Variants in CALN1 observed in about 807,000 individuals in gnomAD.
CALN1 encodes the protein calneuron 1, also known as calcium-binding protein 8.
CALN1 carries 17 observed loss-of-function variants against 30.6 expected under a neutral mutation model. That is an observed-to-expected ratio of 0.56 (90% CI 0.38 to 0.83). The LOEUF (loss-of-function observed/expected upper bound fraction) is 0.83, where lower values mean the gene tolerates loss of function less well. CALN1 is among the 40% of genes least tolerant of loss of function. The pLI is 0.00. For missense variants in CALN1, 291 were observed against 354.9 expected, an observed-to-expected ratio of 0.82 and a Z score of 1.45; for synonymous variants, 156 against 131.4, an observed-to-expected ratio of 1.19 and a Z score of -1.28.
intron 4 of CALN1, among the ~76,000 whole-genome samples, chr7:72,053,966 A>G (rs1223675883): frequency 6.6e-6 from 1 of 152,066 alleles, no homozygotes; most frequent in Non-Finnish European, 1.5e-5. Flanking sequence ...AATGCTGTTA[A>G]TTCATTCCTT....
chr7:72,265,295 G>A (rs1434002511), intron 3 of CALN1, among the ~76,000 whole-genome samples: 4 of 152,184 alleles, frequency 2.6e-5, no homozygotes, highest in Admixed American at 1.3e-4. Flanking sequence ...GTGGAGCAAC[G>A]TTTAGATGCC....
intron 2 of CALN1, among the ~76,000 whole-genome samples, chr7:72,320,460 GA>G (rs1254223334): frequency 2.0e-5 from 3 of 152,162 alleles, no homozygotes; most frequent in Non-Finnish European, 4.4e-5. Flanking sequence ...GATGGAAGCA[GA>G]AAAGAGCCAC....
chr7:72,213,185 T>G (rs1202564763), intron 3 of CALN1, among the ~76,000 whole-genome samples: 1 of 152,230 alleles, frequency 6.6e-6, no homozygotes, highest in Non-Finnish European at 1.5e-5. Context: ...CGTGTCCTAA[T>G]TAAAAACAAC....
chr7:72,495,099 C>T, the CALN1 span, among the ~76,000 whole-genome samples: 2 of 152,142 alleles, frequency 1.3e-5, no homozygotes, highest in African/African-American at 4.8e-5. Context: ...TGCATGAATT[C>T]TAGGAGGCAA....
At chr7:72,122,803 A>T (rs928915783) in intron 3 of CALN1, among the ~76,000 whole-genome samples, 1 of 152,220 alleles carries the variant, frequency 6.6e-6, no homozygotes, top group African/African-American at 2.4e-5. Context: ...ACGTTTCTTA[A>T]GCACCTACTG....
intron 2 of CALN1, among the ~76,000 whole-genome samples, chr7:72,360,648 C>A (rs1803518519): frequency 6.8e-6 from 1 of 147,564 alleles, no homozygotes; most frequent in South Asian, 2.2e-4. Context: ...TACACGTGCA[C>A]AACGTGCAGA....
At chr7:72,467,656 C>T in the CALN1 span, among the ~76,000 whole-genome samples, 6 of 152,178 alleles carry the variant, frequency 3.9e-5, no homozygotes, top group African/African-American at 1.2e-4. Flanking sequence ...ACCCAACCCC[C>T]GCCCCAGCAA....
rs150462485 is a variant in CALN1, at chr7:72,123,733, T to C, written c.245-17439A>G. Among the ~76,000 whole-genome samples the C allele has an allele frequency of 3.5e-4, 54 of 152,314 alleles. 1 individual carries two copies. The highest frequency in any genetic ancestry group is 1.2e-3 in the African/African-American group (49 of 41,566). On this transcript the variant is annotated intron_variant, in intron 3 of 6. Coordinates refer to ENST00000395275, the MANE Select transcript of CALN1 (RefSeq NM_031468.4). ...TCAGTCCATTTGGCCTTCCTGATAATTGATAAAGAGCTGACTATGAAGGAA... is the reference window on the plus strand; with the variant it reads ...TCAGTCCATTTGGCCTTCCTGATAACTGATAAAGAGCTGACTATGAAGGAA...
chr7:72,091,800 C>A (rs1805882686), intron 4 of CALN1, among the ~76,000 whole-genome samples: 1 of 152,194 alleles, frequency 6.6e-6, no homozygotes, highest in Non-Finnish European at 1.5e-5. Context: ...CAGGTCTAGT[C>A]TTGCCAAATT....
Position 72,081,897 on chromosome 7 carries a change from G to A in CALN1, c.388+24254C>T, listed in dbSNP as rs541183772. 2.5e-4 allele frequency among the ~76,000 whole-genome samples: 38 copies of A among 152,320 alleles called. No homozygotes were observed. In the South Asian group the frequency reaches 3.9e-3, roughly 16 times the overall value. ...CTAAAAAAGATAAATTCTGCAAAGT[G>A]ATGAGTCCTTCCTAGCAGAGAAGAG... is the stretch of plus-strand genomic sequence containing the variant. On this transcript the variant is annotated intron_variant, in intron 4 of 6. Coordinates refer to ENST00000395275, the MANE Select transcript of CALN1 (RefSeq NM_031468.4).
At chr7:72,364,708 T>C (rs1403282204) in intron 2 of CALN1, among the ~76,000 whole-genome samples, 1 of 152,196 alleles carries the variant, frequency 6.6e-6, no homozygotes, top group Admixed American at 6.5e-5. Flanking sequence ...GATAGTTAAG[T>C]GAGGTATGGG....
chr7:72,023,599 G>A (rs969555305), intron 5 of CALN1, 58 bp downstream of exon 5: 15 of 1,280,816 alleles, frequency 1.2e-5, no homozygotes, highest in Non-Finnish European at 1.6e-5. Context: ...TCAGTCAAAA[G>A]TTAGTCTCAG....
chr7:72,294,500 C>T (rs140674484), intron 2 of CALN1, among the ~76,000 whole-genome samples: 1 of 152,028 alleles, frequency 6.6e-6, no homozygotes, highest in African/African-American at 2.4e-5. Context: ...TCACAATCCC[C>T]ACACTTTGGG....
intron 1 of CALN1, among the ~76,000 whole-genome samples, chr7:72,428,414 C>A (rs1200081693): frequency 6.8e-6 from 1 of 147,364 alleles, no homozygotes; most frequent in East Asian, 2.1e-4. Flanking sequence ...TTTTTTGAGA[C>A]ACAGTCTTGC....
At chr7:71,983,442 TAC>T (rs757215316) in intron 5 of CALN1, among the ~76,000 whole-genome samples, 5 of 152,188 alleles carry the variant, frequency 3.3e-5, no homozygotes, top group Admixed American at 6.5e-5. Flanking sequence ...TATTCACACA[TAC>T]ACACACCCAC....
intron 4 of CALN1, among the ~76,000 whole-genome samples, chr7:72,048,984 T>G (rs1193653240): frequency 6.6e-6 from 1 of 152,086 alleles, no homozygotes. Flanking sequence ...CTACTTTTAT[T>G]TTTTTGTAGA....
Position 72,173,226 on chromosome 7 carries a change from T to G in CALN1, c.245-66932A>C, listed in dbSNP as rs185366186. Among the ~76,000 whole-genome samples, 471 of 151,522 alleles carry G rather than the reference T, an allele frequency of 3.1e-3. 2 individuals carry two copies. Among genetic ancestry groups the G allele is most frequent in the African/African-American group, 0.01 (414 of 41,334 alleles). ...TGCAGTAGTATTAAAAAAAGAAAAA[T>G]AAAGTACATATGAATAAAACTAATC... is the stretch of plus-strand genomic sequence containing the variant. On this transcript the variant is annotated intron_variant, in intron 3 of 6. Coordinates refer to ENST00000395275, the MANE Select transcript of CALN1 (RefSeq NM_031468.4).
chr7:72,100,777 G>A (rs1247007931), intron 4 of CALN1, among the ~76,000 whole-genome samples: 9 of 126,098 alleles, frequency 7.1e-5, no homozygotes, highest in African/African-American at 1.5e-4. Context: ...CCAAGATCGC[G>A]CCACTGCACT....
chr7:71,912,155 T>G (rs1794456693), intron 5 of CALN1, among the ~76,000 whole-genome samples: 1 of 152,002 alleles, frequency 6.6e-6, no homozygotes, highest in Non-Finnish European at 1.5e-5. Flanking sequence ...TAGTCTTCTG[T>G]GTGGGATGAG....
Sources: gnomAD v4.1 joint callset for allele counts (sites outside exome capture counted in the v4.1 genomes callset) on GRCh38, gnomAD v4.1.1 for gene constraint, MANE v1.5 for transcripts, NCBI Gene and HGNC (gene_info 2026-07-23, HGNC 2026-07-21) for gene names.